TTC39A: variants seen among roughly 807,000 people sequenced by gnomAD.
TTC39A encodes the protein tetratricopeptide repeat protein 39A.
Under a neutral mutation model 82.3 loss-of-function variants are expected in TTC39A, and 46 were observed. That is an observed-to-expected ratio of 0.56 (90% CI 0.44 to 0.71). The LOEUF is 0.71. Ranked by LOEUF, TTC39A falls within the 30% of genes least tolerant of loss-of-function variation. The probability of loss-of-function intolerance (pLI) is 0.00; values close to 1 mark genes in which losing one functional copy is unlikely to be tolerated. For missense variants in TTC39A, 543 were observed against 712.9 expected (o/e 0.76, Z 2.71); for synonymous variants, 254 against 275.2 (o/e 0.92, Z 0.76).
Position 51,294,500 on chromosome 1 carries a change from C to G in TTC39A, c.1157G>C (p.Gly386Ala). The change falls in exon 14 of 18, where the codon GGC becomes GCC. Residue 386 changes from glycine (G) to alanine (A), a missense_variant. Gly to Ala is a moderately conservative substitution (Grantham distance 60, BLOSUM62 0). Coordinates refer to ENST00000680483, the MANE Select transcript of TTC39A (RefSeq NM_001297663.2). This position sits in a 1 kb window ranked among gnomAD's most constrained non-coding sequence, Gnocchi z 4.3. ...TTTCCCAGCAATCTTGAGCTTCAGGCCTGGCACAGCTCTGCGAAAGAGATG... is the reference window on the plus strand; with the variant it reads ...TTTCCCAGCAATCTTGAGCTTCAGGGCTGGCACAGCTCTGCGAAAGAGATG... ...DEVELFRAVP[G>A]LKLKIAGKSL... is the part of the protein sequence containing the mutation. 1 of 1,613,936 alleles carries G rather than the reference C, an allele frequency of 6.2e-7. No individual in the cohort carries two copies. The highest frequency in any genetic ancestry group is 8.5e-7 in the Non-Finnish European group (1 of 1,179,864).
chr1:51,309,240 C>T (rs759725350), intron 6 of TTC39A, 21 bp downstream of exon 6: 28 of 1,590,964 alleles, frequency 1.8e-5, no homozygotes, highest in East Asian at 2.3e-5. Context: ...TCCCCACAAG[C>T]GGATGGCCAG....
intron 1 of TTC39A, among the ~76,000 whole-genome samples, chr1:51,339,925 A>G (rs1021636890): frequency 2.0e-5 from 3 of 152,110 alleles, no homozygotes; most frequent in African/African-American, 7.2e-5. Context: ...GTCTAAGGTG[A>G]TGGTATTAGG....
chr1:51,289,733 C>T (rs1644130211), intron 16 of TTC39A, among the ~76,000 whole-genome samples: 2 of 152,134 alleles, frequency 1.3e-5, no homozygotes, highest in Admixed American at 6.5e-5. Context: ...ATAGAGTCAC[C>T]GAATTACAAA....
chr1:51,302,867 C>T (rs1165116631), intron 9 of TTC39A, among the ~76,000 whole-genome samples: 3 of 152,220 alleles, frequency 2.0e-5, no homozygotes, highest in Non-Finnish European at 4.4e-5. Flanking sequence ...CAACCACCCC[C>T]ATTTCACAGA....
intron 1 of TTC39A, chr1:51,342,921 C>T (rs971655474): frequency 1.2e-4 from 50 of 413,664 alleles, no homozygotes; most frequent in Non-Finnish European, 2.4e-4. Flanking sequence ...TTCTCCTAAC[C>T]CATACCCCAG....
intron 12 of TTC39A, among the ~76,000 whole-genome samples, chr1:51,296,402 T>A (rs1422566420): frequency 6.6e-6 from 1 of 152,212 alleles, no homozygotes; most frequent in East Asian, 1.9e-4. Context: ...GAAGAACCCA[T>A]GCAACTAGTA....
In TTC39A at chr1:51,290,598, C is replaced by G; in HGVS notation, c.1294G>C (p.Ala432Pro). 1 of 1,613,722 alleles carries G rather than the reference C, an allele frequency of 6.2e-7. No homozygotes were observed. Among genetic ancestry groups the G allele is most frequent in the East Asian group, 2.2e-5 (1 of 44,886 alleles). Residue 432 changes from alanine to proline, a missense_variant, in exon 15 of 18, where the codon GCC (alanine) becomes CCC (proline). Coordinates refer to ENST00000680483, the MANE Select transcript of TTC39A (RefSeq NM_001297663.2). ...AGTTTCGGCTGCTTCCCAATCACGG[C>G]GTAGCCGTTCCAGATGTACATCATT... Reference protein sequence around the residue: ...LEMMYIWNGYAVIGKQPKLTD... With the variant: ...LEMMYIWNGYPVIGKQPKLTD...
At chr1:51,328,022 C>A (rs1040920503) in intron 1 of TTC39A, among the ~76,000 whole-genome samples, 2 of 152,044 alleles carry the variant, frequency 1.3e-5, no homozygotes, top group African/African-American at 2.4e-5. Context: ...GATCAAGTAG[C>A]ACTGACTTTA....
Position 51,315,298 on chromosome 1 carries a change from C to CTGGGAAA in TTC39A, c.147-2362_147-2356dup, listed in dbSNP as rs201195302. Among the ~76,000 whole-genome samples the CTGGGAAA allele has an allele frequency of 8.3e-3, 1,260 of 152,372 alleles. 15 individuals carry two copies. The highest frequency in any genetic ancestry group is 0.028 in the African/African-American group (1,172 of 41,590). On this transcript the variant is annotated intron_variant, in intron 2 of 17. Coordinates refer to ENST00000680483, the MANE Select transcript of TTC39A (RefSeq NM_001297663.2). ...TGGAAGCCCCCAACTCTAGTCTGAACTGGGAAATGAAGTACAGAGGTATGA... is the reference window on the plus strand; with the variant it reads ...TGGAAGCCCCCAACTCTAGTCTGAACTGGGAAATGGGAAATGAAGTACAGAGGTATGA...
chr1:51,301,774 G>T, intron 11 of TTC39A, 41 bp from the exon 12 acceptor site: 4 of 1,439,812 alleles, frequency 2.8e-6, no homozygotes, highest in Non-Finnish European at 3.7e-6. Context: ...TGCCCACCCA[G>T]CCCCAACCCC....
At chr1:51,342,592 G>C (rs1288454914) in intron 1 of TTC39A, among the ~76,000 whole-genome samples, 1 of 152,220 alleles carries the variant, frequency 6.6e-6, no homozygotes, top group African/African-American at 2.4e-5. Context: ...ACACAGGGTG[G>C]TGTGGTGGGC....
chr1:51,309,291 AT>A lies in TTC39A; in HGVS notation c.457del (p.Ile153SerfsTer35), dbSNP rs1291395295. The A allele has an allele frequency of 4.3e-6, 7 of 1,612,728 alleles. No homozygotes were observed. The highest frequency in any genetic ancestry group is 3.4e-6 in the Non-Finnish European group (4 of 1,179,430). ...ENMVSFIKGG[I>X]KVRNSYQTYK... ...GGTCTGGTAGCTGTTTCGAACTTTG[AT>A]GCCGCCTTTGATGAAGCTCACCATG... On this transcript the variant is annotated frameshift_variant, in exon 6 of 18. Transcript: ENST00000680483. LOFTEE classifies it high-confidence loss of function.
At chr1:51,290,250 G>T (rs1557693801) in intron 15 of TTC39A, 131 bp from the exon 16 acceptor site, 1 of 833,634 alleles carries the variant, frequency 1.2e-6, no homozygotes, top group Non-Finnish European at 1.9e-6. Context: ...CTCAGCAGGG[G>T]TCACATCTAA....
At chr1:51,289,973 G>A (rs1033545958) in intron 16 of TTC39A, 32 bp downstream of exon 16, 6 of 1,585,140 alleles carry the variant, frequency 3.8e-6, no homozygotes, top group Non-Finnish European at 5.2e-6. Flanking sequence ...AGGAGACTCA[G>A]ACCCAGAAGG....
upstream of TTC39A, among the ~76,000 whole-genome samples, chr1:51,332,051 A>G (rs35844950): frequency 0.045 from 6,845 of 152,272 alleles, 226 homozygotes; most frequent in African/African-American, 0.085. Flanking sequence ...ATCTCTAGGC[A>G]TTTAAACATG....
chr1:51,288,949 C>A lies in TTC39A; in HGVS notation c.1500G>T (p.Lys500Asn), dbSNP rs1385055487. 2 of 1,597,850 alleles carry A rather than the reference C, an allele frequency of 1.3e-6. No homozygotes were observed. The highest frequency in any genetic ancestry group is 1.7e-5 in the Admixed American group (1 of 57,358). The change falls in exon 17 of 18, where the codon AAG (lysine) becomes AAT (asparagine). Residue 500 changes from lysine (K) to asparagine (N), a missense_variant. Coordinates refer to ENST00000680483, the MANE Select transcript of TTC39A (RefSeq NM_001297663.2). This position sits in a 1 kb window ranked among gnomAD's most constrained non-coding sequence, Gnocchi z 4.8. Reference sequence around the variant, plus strand: ...TCAAGTAGTGGTCATATTTAATCTTCTTTTCACTGCAGAACAGAGGACATG... The same window carrying A: ...TCAAGTAGTGGTCATATTTAATCTTATTTTCACTGCAGAACAGAGGACATG... ...ENFRSISANE[K>N]KIKYDHYLIP...
upstream of TTC39A, chr1:51,331,410 A>G: frequency 6.9e-7 from 1 of 1,451,258 alleles, no homozygotes; most frequent in Non-Finnish European, 9.1e-7. Flanking sequence ...TGCTGCTCTT[A>G]ACCATGACTC....
upstream of TTC39A, among the ~76,000 whole-genome samples, chr1:51,332,415 C>T (rs1645925084): frequency 6.6e-6 from 1 of 152,238 alleles, no homozygotes; most frequent in Non-Finnish European, 1.5e-5. Context: ...CATGTGCCAC[C>T]ATGCCCAGCT....
intron 1 of TTC39A, among the ~76,000 whole-genome samples, chr1:51,344,839 C>A (rs1247562817): frequency 6.6e-6 from 1 of 152,190 alleles, no homozygotes; most frequent in Non-Finnish European, 1.5e-5. Flanking sequence ...GGCGCTGCCC[C>A]TCTCGGGCCT....
Sources: allele counts gnomAD v4.1 joint callset (sites outside exome capture counted in the v4.1 genomes callset), GRCh38; gene constraint gnomAD v4.1.1; non-coding constraint Gnocchi (gnomAD v3.1); transcripts MANE v1.5; gene names NCBI Gene and HGNC (gene_info 2026-07-23, HGNC 2026-07-21).